The following DMTF1 variants were observed in gnomAD, a reference collection of about 807,000 sequenced individuals.
DMTF1 encodes cyclin D binding myb like transcription factor 1.
Under a neutral mutation model 91.1 loss-of-function variants are expected in DMTF1, and 39 were observed. That is an observed-to-expected ratio of 0.43 (90% CI 0.33 to 0.56). The LOEUF (loss-of-function observed/expected upper bound fraction) is 0.56, where lower values mean the gene tolerates loss of function less well. DMTF1 is among the 20% of genes least tolerant of loss of function. DMTF1 has a pLI of 0.05. For synonymous variants in DMTF1, 338 were observed against 309.5 expected, an observed-to-expected ratio of 1.09 and a Z score of -0.97; for missense variants, 750 against 914.5, an observed-to-expected ratio of 0.82 and a Z score of 2.32.
In DMTF1 at chr7:87,166,528, A is replaced by G. The variant is rs751888281; in HGVS notation, c.155A>G (p.Lys52Arg). 2 of 1,613,332 alleles carry G rather than the reference A, an allele frequency of 1.2e-6. No homozygotes were observed. The highest frequency in any genetic ancestry group is 1.7e-6 in the Non-Finnish European group (2 of 1,179,376). Residue 52 changes from lysine (K) to arginine (R), a missense_variant, in exon 4 of 18, where the codon AAA becomes AGA. Coordinates refer to ENST00000331242, the MANE Select transcript of DMTF1 (RefSeq NM_001142327.2). ...GAAGATAGTATTGAACCTCCACATA[A>G]AAGGCTTTGTTTGTCCTCTGAGGAT... ...DSEDSIEPPH[K>R]RLCLSSEDDQ...
rs531924014 is a variant in DMTF1 at position 87,162,495 on chromosome 7, G to A, written c.-131-1000G>A. Reference sequence around the variant, plus strand: ...CTATAATCACAGACACACATACACCGGGAGATGAGATTAGAAGGAACTACA... The same window carrying A: ...CTATAATCACAGACACACATACACCAGGAGATGAGATTAGAAGGAACTACA... On this transcript the variant is annotated intron_variant, in intron 1 of 17. Transcript: ENST00000331242. Among the ~76,000 whole-genome samples the A allele has an allele frequency of 5.9e-5, 9 of 152,234 alleles. No individual in the cohort carries two copies. The South Asian group carries it at 1.5e-3, about 25-fold the overall frequency.
Position 87,193,149 on chromosome 7 carries a change from A to G in DMTF1, c.1495-49A>G, listed in dbSNP as rs372004149. The G allele has an allele frequency of 3.8e-6, 6 of 1,599,956 alleles. No individual in the cohort carries two copies. The African/African-American group carries it at 4.0e-5, about 11-fold the overall frequency. Reference sequence around the variant, plus strand: ...AACTAAACTCAGTCCGTTTTTGTATATAAAAGTAGACTTAATCATTGTTAA... The same window carrying G: ...AACTAAACTCAGTCCGTTTTTGTATGTAAAAGTAGACTTAATCATTGTTAA... On this transcript the variant is annotated intron_variant, in intron 14 of 17. Coordinates refer to ENST00000331242, the MANE Select transcript of DMTF1 (RefSeq NM_001142327.2).
rs961480227 is a variant in DMTF1 at position 87,166,426 on chromosome 7, A to G, written c.110-57A>G. On this transcript the variant is annotated intron_variant, in intron 3 of 17. Coordinates refer to ENST00000331242, the MANE Select transcript of DMTF1 (RefSeq NM_001142327.2). ...AAGAAAATTGTAGAGCCATTGTTAG[A>G]GATTTTATTTTCCCTCTTTGGTTTG... 9 of 1,554,470 alleles carry G rather than the reference A, an allele frequency of 5.8e-6. No individual in the cohort carries two copies. In the African/African-American group the frequency reaches 1.1e-4, roughly 19 times the overall value.
At chr7:87,171,164 C>A in intron 5 of DMTF1, 75 bp downstream of exon 5, 5 of 1,011,856 alleles carry the variant, frequency 4.9e-6, no homozygotes, top group Non-Finnish European at 7.4e-6. Context: ...TGATGAGAAA[C>A]CTCAGCCTCC....
Position 87,182,353 on chromosome 7 carries a change from C to T in DMTF1, c.820+16C>T, listed in dbSNP as rs768380389. On this transcript the variant is annotated intron_variant, in intron 10 of 17. Transcript: ENST00000331242. ...TGCAACACAGGTACTGTGACTACTA[C>T]TGGTAGCGTTTTCTTGTCACCACTT... 2 of 1,613,462 alleles carry T rather than the reference C, an allele frequency of 1.2e-6. No homozygotes were observed. The highest frequency in any genetic ancestry group is 8.5e-7 in the Non-Finnish European group (1 of 1,179,540).
At chr7:87,159,788 G>A (rs564506844) in intron 1 of DMTF1, among the ~76,000 whole-genome samples, 24 of 152,170 alleles carry the variant, frequency 1.6e-4, no homozygotes, top group Admixed American at 7.8e-4. Flanking sequence ...CCTGTACAGC[G>A]TGTTACTGTA....
rs978009293 is a variant in DMTF1, at chr7:87,152,459, G to A, written c.-228G>A. ...TGGCTCGTCGCGCTCGCTCACTCCAGCTGCAGCCACTCTCGCCCGTGGCTG... is the reference window on the plus strand; with the variant it reads ...TGGCTCGTCGCGCTCGCTCACTCCAACTGCAGCCACTCTCGCCCGTGGCTG... On this transcript the variant is annotated 5_prime_UTR_variant, in exon 1 of 18. Transcript: ENST00000331242. 1.3e-5 allele frequency: 2 copies of A among 153,886 alleles called. No individual in the cohort carries two copies. Among genetic ancestry groups the A allele is most frequent in the African/African-American group, 4.8e-5 (2 of 41,482 alleles). 9.5% of individuals were successfully genotyped at this position (153,886 alleles called of 1,614,324 possible).
At chr7:87,162,566 T>C (rs1468585240) in intron 1 of DMTF1, among the ~76,000 whole-genome samples, 1 of 152,186 alleles carries the variant, frequency 6.6e-6, no homozygotes, top group Non-Finnish European at 1.5e-5. Flanking sequence ...ATTTTAACCT[T>C]CTTTTTTTTA....
chr7:87,159,087 A>G (rs1791542278), intron 1 of DMTF1, among the ~76,000 whole-genome samples: 1 of 152,186 alleles, frequency 6.6e-6, no homozygotes, highest in South Asian at 2.1e-4. Context: ...GTCAACTTTC[A>G]GCCCAGTGTA....
intron 6 of DMTF1, among the ~76,000 whole-genome samples, chr7:87,174,269 T>G (rs1026946731): frequency 9.2e-5 from 14 of 152,308 alleles, no homozygotes; most frequent in East Asian, 3.9e-4. Context: ...TTTCAAAAAG[T>G]TTTGAGCATG....
intron 1 of DMTF1, among the ~76,000 whole-genome samples, chr7:87,153,197 C>T (rs1460005260): frequency 6.6e-6 from 1 of 151,924 alleles, no homozygotes; most frequent in Non-Finnish European, 1.5e-5. Context: ...CATAGAGAAT[C>T]GGGATAGCTG....
chr7:87,177,508 C>A (rs558406525), intron 7 of DMTF1, among the ~76,000 whole-genome samples: 1 of 152,150 alleles, frequency 6.6e-6, no homozygotes, highest in Non-Finnish European at 1.5e-5. Flanking sequence ...GTTTATTGGT[C>A]ATTTGTATTA....
At chr7:87,159,586 A>G (rs1017679764) in intron 1 of DMTF1, among the ~76,000 whole-genome samples, 4 of 152,246 alleles carry the variant, frequency 2.6e-5, no homozygotes, top group African/African-American at 9.6e-5. Flanking sequence ...CACTTCAGTT[A>G]AAATGGCTGT....
intron 7 of DMTF1, among the ~76,000 whole-genome samples, chr7:87,178,486 C>T (rs914694555): frequency 7.2e-5 from 11 of 152,078 alleles, no homozygotes; most frequent in Middle Eastern, 3.4e-3. Context: ...GTTTTTCCCA[C>T]ATCTGTTGAG....
chr7:87,177,134 A>G (rs1796423644), intron 7 of DMTF1, among the ~76,000 whole-genome samples: 1 of 152,310 alleles, frequency 6.6e-6, no homozygotes, highest in Non-Finnish European at 1.5e-5. Context: ...TAAAATGCAT[A>G]CACTGTGATT....
At chr7:87,161,842 A>C (rs1792508988) in intron 1 of DMTF1, among the ~76,000 whole-genome samples, 1 of 152,228 alleles carries the variant, frequency 6.6e-6, no homozygotes, top group South Asian at 2.1e-4. Flanking sequence ...AAGATTACCA[A>C]GAGTACAGTT....
intron 4 of DMTF1, among the ~76,000 whole-genome samples, chr7:87,167,898 A>G (rs1794202971): frequency 6.6e-6 from 1 of 152,212 alleles, no homozygotes; most frequent in Non-Finnish European, 1.5e-5. Context: ...CTATTTTGAT[A>G]TAAATTGACT....
intron 10 of DMTF1, 150 bp from the exon 11 acceptor site, chr7:87,184,247 G>A: frequency 1.5e-6 from 1 of 657,830 alleles, no homozygotes; most frequent in South Asian, 1.9e-5. Flanking sequence ...AACTGTCTTA[G>A]TGGGTATATA....
Position 87,195,070 on chromosome 7 carries a change from T to C in DMTF1, c.2213T>C (p.Ile738Thr), listed in dbSNP as rs1800982580. ...CATCATCAGGAAGAATCAAATATCA[T>C]TGGATCATCCTTGGGCAGTCCTGTT... The part of the protein sequence containing the change: ...LQHHQEESNI[I>T]GSSLGSPVSE... The change falls in exon 18 of 18, where the codon ATT becomes ACT. Residue 738 changes from isoleucine (I) to threonine (T), a missense_variant. Coordinates refer to ENST00000331242, the MANE Select transcript of DMTF1 (RefSeq NM_001142327.2). 1 of 1,612,436 alleles carries C rather than the reference T, an allele frequency of 6.2e-7. No individual in the cohort carries two copies. The highest frequency in any genetic ancestry group is 8.5e-7 in the Non-Finnish European group (1 of 1,178,998).
Sources: gnomAD v4.1 joint callset for allele counts (sites outside exome capture counted in the v4.1 genomes callset) on GRCh38, gnomAD v4.1.1 for gene constraint, MANE v1.5 for transcripts, NCBI Gene and HGNC (gene_info 2026-07-23, HGNC 2026-07-21) for gene names.